WDPCP: variants seen among roughly 807,000 people sequenced by gnomAD.
The protein encoded by WDPCP is WD repeat containing planar cell polarity effector, also known as WD repeat-containing and planar cell polarity effector protein fritz homolog.
A neutral mutation model predicts 93.1 loss-of-function variants in WDPCP; 71 were observed. The ratio of observed to expected loss-of-function variants is 0.76; its 90% CI spans 0.63 to 0.93. The LOEUF is 0.93. Among genes scored for constraint, WDPCP ranks in the 40% least tolerant of loss-of-function variants. The probability of loss-of-function intolerance (pLI) is 0.00; values close to 1 mark genes in which losing one functional copy is unlikely to be tolerated. For missense variants in WDPCP, 844 were observed against 887.4 expected, an observed-to-expected ratio of 0.95 and a Z score of 0.62; for synonymous variants, 315 against 315.0, an observed-to-expected ratio of 1.00 and a Z score of 0.00.
chr2:63,269,540 A>G (rs1423643899), intron 13 of WDPCP, among the ~76,000 whole-genome samples: 3 of 152,180 alleles, frequency 2.0e-5, no homozygotes, highest in African/African-American at 7.2e-5. Flanking sequence ...TTACAGCAAA[A>G]AAAGCATTTA....
chr2:63,220,192 C>G (rs1438903002), intron 14 of WDPCP, among the ~76,000 whole-genome samples: 1 of 152,104 alleles, frequency 6.6e-6, no homozygotes, highest in East Asian at 1.9e-4. Context: ...TATTTTAGCA[C>G]TTTCTGGTTT....
chr2:63,683,025 T>A (rs1004945065), intron 2 of WDPCP, among the ~76,000 whole-genome samples: 7 of 152,192 alleles, frequency 4.6e-5, no homozygotes. Flanking sequence ...TGTCATCAGT[T>A]TAAAATAATG....
intron 2 of WDPCP, among the ~76,000 whole-genome samples, chr2:63,705,302 G>A (rs1297039879): frequency 1.3e-5 from 2 of 152,092 alleles, no homozygotes; most frequent in African/African-American, 4.8e-5. Flanking sequence ...GTTTCCTTCA[G>A]TTCTGCTCTG....
At chr2:63,234,689 A>C (rs1679231823) in intron 14 of WDPCP, among the ~76,000 whole-genome samples, 1 of 152,204 alleles carries the variant, frequency 6.6e-6, no homozygotes. Flanking sequence ...TTAGAATCAG[A>C]AAACTTAGTT....
intron 13 of WDPCP, among the ~76,000 whole-genome samples, chr2:63,289,659 T>A (rs971344136): frequency 1.1e-4 from 16 of 152,122 alleles, no homozygotes; most frequent in African/African-American, 3.8e-4. Context: ...TGGATATAGG[T>A]TCAAAAAATG....
chr2:63,159,014 G>A (rs1402298625), intron 15 of WDPCP, among the ~76,000 whole-genome samples: 2 of 150,306 alleles, frequency 1.3e-5, no homozygotes, highest in Non-Finnish European at 3.0e-5. Context: ...AAATTAGCAG[G>A]GTGTGGCGGC....
chr2:63,278,522 T>A (rs1480247764), intron 13 of WDPCP, among the ~76,000 whole-genome samples: 1 of 152,076 alleles, frequency 6.6e-6, no homozygotes, highest in African/African-American at 2.4e-5. Context: ...ATTAGTGAGA[T>A]TAACCAAGCA....
At chr2:63,312,034 A>C (rs1686224433) in intron 13 of WDPCP, among the ~76,000 whole-genome samples, 1 of 152,142 alleles carries the variant, frequency 6.6e-6, no homozygotes, top group Admixed American at 6.5e-5. Flanking sequence ...AAGTGTAATT[A>C]ATTTTCTGAC....
At chr2:63,438,072 T>C in intron 7 of WDPCP, 1 of 1,118,576 alleles carries the variant, frequency 8.9e-7, no homozygotes, top group Middle Eastern at 3.4e-4. Flanking sequence ...ATGACCAATA[T>C]GTACATTACA....
At chr2:63,292,064 T>C (rs1345634670) in intron 13 of WDPCP, among the ~76,000 whole-genome samples, 76 of 123,184 alleles carry the variant, frequency 6.2e-4, no homozygotes, top group African/African-American at 2.4e-3. Context: ...ACCCGGGAGG[T>C]GGAGCTTGCA....
At chr2:63,525,436 C>A (rs1319160611) in intron 1 of WDPCP, among the ~76,000 whole-genome samples, 1 of 152,098 alleles carries the variant, frequency 6.6e-6, no homozygotes, top group Non-Finnish European at 1.5e-5. Flanking sequence ...AATAAAAAGT[C>A]TCTTTCTCTC....
At chr2:63,231,187 A>G (rs778966754) in intron 14 of WDPCP, among the ~76,000 whole-genome samples, 1 of 152,188 alleles carries the variant, frequency 6.6e-6, no homozygotes. Flanking sequence ...TCTCAAAATA[A>G]TAAGAGCTAT....
At chr2:63,429,639 C>A (rs1696578261) in intron 9 of WDPCP, among the ~76,000 whole-genome samples, 1 of 152,006 alleles carries the variant, frequency 6.6e-6, no homozygotes, top group South Asian at 2.1e-4. Context: ...AAATGAGATA[C>A]CATCTCACAC....
upstream of WDPCP, chr2:63,593,587 C>G: frequency 2.1e-6 from 1 of 471,650 alleles, no homozygotes. Flanking sequence ...AAACCAAACA[C>G]TTCTGGGCTT....
intron 17 of WDPCP, among the ~76,000 whole-genome samples, chr2:63,139,095 G>A (rs949812914): frequency 6.6e-6 from 1 of 151,750 alleles, no homozygotes; most frequent in African/African-American, 2.4e-5. Flanking sequence ...ATATATATAC[G>A]TGTATATACA....
intron 13 of WDPCP, among the ~76,000 whole-genome samples, chr2:63,266,956 T>C (rs1394209257): frequency 6.6e-6 from 1 of 151,248 alleles, no homozygotes; most frequent in Admixed American, 6.6e-5. Context: ...TCCAATGTCA[T>C]TTTTTTTTAG....
In WDPCP at chr2:63,460,069, T is replaced by C. The variant is rs117060694; in HGVS notation, c.385-20198A>G. 7.8e-4 allele frequency among the ~76,000 whole-genome samples: 119 copies of C among 152,272 alleles called. 3 individuals carry two copies. The East Asian group carries it at 0.018, about 23-fold the overall frequency. On this transcript the variant is annotated intron_variant, in intron 6 of 17. Coordinates refer to ENST00000272321, the MANE Select transcript of WDPCP (RefSeq NM_015910.7). The stretch of plus-strand genomic sequence containing the variant: ...ACAGCACTATTCATAACAGCAAAGA[T>C]ATGGAATCAATCTAAATGCCCATCA...
chr2:63,664,413 T>C (rs1222681022), intron 2 of WDPCP, among the ~76,000 whole-genome samples: 1 of 152,194 alleles, frequency 6.6e-6, no homozygotes, highest in Non-Finnish European at 1.5e-5. Flanking sequence ...ATATGTGGGA[T>C]TGGGCACTAC....
At chr2:63,194,833 C>G (rs920111889) in intron 14 of WDPCP, among the ~76,000 whole-genome samples, 3 of 152,036 alleles carry the variant, frequency 2.0e-5, no homozygotes, top group African/African-American at 7.2e-5. Flanking sequence ...AAGAAACTTT[C>G]TTAAACAAGA....
Sources: allele counts gnomAD v4.1 joint callset (sites outside exome capture counted in the v4.1 genomes callset), GRCh38; gene constraint gnomAD v4.1.1; transcripts MANE v1.5; gene names NCBI Gene and HGNC (gene_info 2026-07-23, HGNC 2026-07-21).